Variants in SLC41A1 observed in about 807,000 individuals in gnomAD.
The protein encoded by SLC41A1 is solute carrier family 41 (magnesium transporter), member 1.
Under a neutral mutation model 47.3 loss-of-function variants are expected in SLC41A1, and 20 were observed. The ratio of observed to expected loss-of-function variants is 0.42; its 90% confidence interval spans 0.30 to 0.61. The LOEUF (loss-of-function observed/expected upper bound fraction) is 0.61. Ranked by LOEUF, SLC41A1 falls within the 20% of genes least tolerant of loss-of-function variation. The pLI, the probability that SLC41A1 is intolerant of heterozygous loss-of-function variation, is 0.17. For missense variants in SLC41A1, 504 were observed against 674.1 expected, an observed-to-expected ratio of 0.75 and a Z score of 2.79; for synonymous variants, 282 against 272.7, an observed-to-expected ratio of 1.03 and a Z score of -0.34.
Position 205,791,492 on chromosome 1 carries a change from T to C in SLC41A1, c.*41A>G, listed in dbSNP as rs1655626049. The C allele has an allele frequency of 6.2e-7, 1 of 1,613,262 alleles. No individual in the cohort carries two copies. Among genetic ancestry groups the C allele is most frequent in the Non-Finnish European group, 8.5e-7 (1 of 1,179,582 alleles). On this transcript the variant is annotated 3_prime_UTR_variant, in exon 11 of 11. Coordinates refer to ENST00000367137, the MANE Select transcript of SLC41A1 (RefSeq NM_173854.6). The surrounding 1 kb of genome is among the most constrained non-coding windows in gnomAD (Gnocchi z 4.0). ...AGGGGAACAAAAGAAAAATTTCAAA[T>C]AGAAAGTGCAGAGGGATGGGGAAAA... is the stretch of plus-strand genomic sequence containing the variant.
intron 2 of SLC41A1, among the ~76,000 whole-genome samples, chr1:205,802,763 A>ATAAAG (rs1655917301): frequency 6.6e-6 from 1 of 151,572 alleles, no homozygotes; most frequent in Non-Finnish European, 1.5e-5. Context: ...ATAAAATAAA[A>ATAAAG]TAAAATAGAT....
chr1:205,795,199 C>G, intron 9 of SLC41A1, 145 bp downstream of exon 9: 4 of 1,463,832 alleles, frequency 2.7e-6, no homozygotes, highest in Non-Finnish European at 2.8e-6. Context: ...GCCCTCCTGC[C>G]TGGGCTCTGC....
Position 205,789,580 on chromosome 1 carries a change from GAA to G in SLC41A1, c.*1951_*1952del, listed in dbSNP as rs1206322947. 2.0e-5 allele frequency: 3 copies of G among 152,210 alleles called. No homozygotes were observed. Among genetic ancestry groups the G allele is most frequent in the Admixed American group, 6.5e-5 (1 of 15,280 alleles). 9.4% of individuals were successfully genotyped at this position (152,210 alleles called of 1,614,324 possible). Reference sequence around the variant, plus strand: ...TATTTTTTGAGGTGGAGGAAAAGATGAAAAAAGTCCAGAGGGAGGAGGAAAAA... The same window carrying G: ...TATTTTTTGAGGTGGAGGAAAAGATGAAAAGTCCAGAGGGAGGAGGAAAAA... On this transcript the variant is annotated 3_prime_UTR_variant, in exon 11 of 11. Coordinates refer to ENST00000367137, the MANE Select transcript of SLC41A1 (RefSeq NM_173854.6).
In SLC41A1 at chr1:205,794,900, G is replaced by A. The variant is rs987244046; in HGVS notation, c.1326C>T (p.Ile442=). 4 of 1,613,932 alleles carry A rather than the reference G, an allele frequency of 2.5e-6. No homozygotes were observed. The highest frequency in any genetic ancestry group is 2.2e-5 in the South Asian group (2 of 91,074). ...GGHTTLTLIF[I]IFYMTAALLQ... ...GCAGTGCAGCTGTCATATAGAAGAT[G>A]ATGAAGATGAGTGTGAGGGTGGTGT... is the stretch of plus-strand genomic sequence containing the variant. The change falls in exon 10 of 11, where the codon ATC becomes ATT. Residue 442 remains isoleucine (I), a synonymous_variant. Coordinates refer to ENST00000367137, the MANE Select transcript of SLC41A1 (RefSeq NM_173854.6).
chr1:205,791,031 TTTGA>T lies in SLC41A1; in HGVS notation c.*498_*501del. ...GGAGCAGGTGTCTCCTGTCCAGAGC[TTTGA>T]AGTTGGTCCACTTCTACAAAAGTAT... is the stretch of plus-strand genomic sequence containing the variant. On this transcript the variant is annotated 3_prime_UTR_variant, in exon 11 of 11. Transcript: ENST00000367137. This position sits in a 1 kb window ranked among gnomAD's most constrained non-coding sequence, Gnocchi z 4.0. The T allele has an allele frequency of 5.4e-5, 12 of 222,894 alleles. No individual in the cohort carries two copies. The highest frequency in any genetic ancestry group is 3.4e-4 in the South Asian group (5 of 14,828). 13.8% of individuals were successfully genotyped at this position (222,894 alleles called of 1,614,324 possible). A position where few individuals can be genotyped will look rare whatever the true frequency, so the allele number is the denominator to read the frequency against.
chr1:205,812,423 G>A (rs1052110907), intron 1 of SLC41A1, among the ~76,000 whole-genome samples: 1 of 152,176 alleles, frequency 6.6e-6, no homozygotes, highest in African/African-American at 2.4e-5. Context: ...TCTGAGTCCA[G>A]TGCCCCTATG....
intron 2 of SLC41A1, among the ~76,000 whole-genome samples, chr1:205,802,917 C>T (rs1356353401): frequency 6.6e-6 from 1 of 152,040 alleles, no homozygotes; most frequent in Non-Finnish European, 1.5e-5. Context: ...GCCTGTAATC[C>T]CAGCACTTTG....
intron 2 of SLC41A1, 119 bp downstream of exon 2, chr1:205,809,951 C>T (rs952462357): frequency 7.0e-7 from 1 of 1,434,506 alleles, no homozygotes. Flanking sequence ...CAAAGGAAAA[C>T]AGTATTCTAG....
chr1:205,791,464 G>T lies in SLC41A1; in HGVS notation c.*69C>A. ...AGGTGGGAGTGTGGGGTGGAGGAGG[G>T]ACAGGGGAACAAAAGAAAAATTTCA... On this transcript the variant is annotated 3_prime_UTR_variant, in exon 11 of 11. Transcript: ENST00000367137. This position sits in a 1 kb window ranked among gnomAD's most constrained non-coding sequence, Gnocchi z 4.0. 6.3e-7 allele frequency: 1 copy of T among 1,580,516 alleles called. No homozygotes were observed. Among genetic ancestry groups the T allele is most frequent in the Non-Finnish European group, 8.7e-7 (1 of 1,152,182 alleles).
At chr1:205,792,622 C>T (rs61822592) in intron 10 of SLC41A1, among the ~76,000 whole-genome samples, 12,333 of 152,182 alleles carry the variant, frequency 0.081, 590 homozygotes, top group African/African-American at 0.13. Context: ...GATTTACATG[C>T]GCTTTTAAGT....
At chr1:205,793,593 T>C (rs1476753233) in intron 10 of SLC41A1, among the ~76,000 whole-genome samples, 1 of 152,132 alleles carries the variant, frequency 6.6e-6, no homozygotes, top group African/African-American at 2.4e-5. Context: ...GCTGGAGGGA[T>C]AGGTGTTAAT....
rs764257798 is a variant in SLC41A1, at chr1:205,799,768, G to C, written c.543C>G (p.Ala181=). 1 of 1,614,090 alleles carries C rather than the reference G, an allele frequency of 6.2e-7. No homozygotes were observed. The highest frequency in any genetic ancestry group is 1.7e-5 in the Admixed American group (1 of 60,018). ...GTCCCTGCCTTCTTACCTGGATGAG[G>C]GCCATGTTCCCAGTGATCATCCGCC... ...ELWRMITGNM[A]LIQVQATVVG... is the part of the protein sequence containing the mutation. Residue 181 remains alanine, a synonymous_variant, in exon 4 of 11, where the codon GCC becomes GCG. Coordinates refer to ENST00000367137, the MANE Select transcript of SLC41A1 (RefSeq NM_173854.6).
At chr1:205,803,196 G>A (rs1558082145) in intron 2 of SLC41A1, among the ~76,000 whole-genome samples, 1 of 151,972 alleles carries the variant, frequency 6.6e-6, no homozygotes, top group Non-Finnish European at 1.5e-5. Context: ...TGTGGAGATT[G>A]GAACCCTTGT....
chr1:205,811,612 G>A (rs947409200), intron 1 of SLC41A1, among the ~76,000 whole-genome samples: 12 of 152,222 alleles, frequency 7.9e-5, no homozygotes, highest in African/African-American at 2.7e-4. Context: ...ACTGATTGCT[G>A]AGTGAAGTCC....
intron 8 of SLC41A1, chr1:205,795,756 A>G (rs1638811599): frequency 1.9e-6 from 1 of 530,638 alleles, no homozygotes; most frequent in Non-Finnish European, 3.4e-6. Context: ...AAGCTGTGAC[A>G]GTGCCGGAAA....
At chr1:205,802,578 G>C (rs537310083) in intron 2 of SLC41A1, among the ~76,000 whole-genome samples, 9 of 151,854 alleles carry the variant, frequency 5.9e-5, no homozygotes, top group Non-Finnish European at 8.8e-5. Context: ...TTAGCTGGTC[G>C]TGGTGGCACA....
chr1:205,812,776 C>T (rs1656188958), intron 1 of SLC41A1, 32 bp downstream of exon 1: 2 of 985,626 alleles, frequency 2.0e-6, no homozygotes. Flanking sequence ...CTCCACCACC[C>T]CCTCCCCGCC....
chr1:205,811,668 TAGG>T (rs1656159657), intron 1 of SLC41A1, among the ~76,000 whole-genome samples: 1 of 152,036 alleles, frequency 6.6e-6, no homozygotes, highest in Non-Finnish European at 1.5e-5. Flanking sequence ...AAAACAAAGC[TAGG>T]AGGACTCCCT....
Position 205,797,030 on chromosome 1 carries a change from GC to G in SLC41A1, c.993-28del, listed in dbSNP as rs1278341237. On this transcript the variant is annotated intron_variant, in intron 7 of 10. Coordinates refer to ENST00000367137, the MANE Select transcript of SLC41A1 (RefSeq NM_173854.6). ...TATAGAGACATAAAGACAAAATGAC[GC>G]AAAGACCACTGAAGGGTTCTGCCTT... 2.0e-6 allele frequency: 3 copies of G among 1,500,460 alleles called. No homozygotes were observed. In the African/African-American group the frequency reaches 5.1e-5, roughly 25 times the overall value. The allele number at this position is 1,500,460 out of a possible 1,614,324, so 92.9% of individuals were successfully genotyped here. A position where few individuals can be genotyped will look rare whatever the true frequency, so the allele number is the denominator to read the frequency against.
Sources: allele counts gnomAD v4.1 joint callset (sites outside exome capture counted in the v4.1 genomes callset), GRCh38; gene constraint gnomAD v4.1.1; non-coding constraint Gnocchi (gnomAD v3.1); transcripts MANE v1.5; gene names NCBI Gene and HGNC (gene_info 2026-07-23, HGNC 2026-07-21).